The following AMZ1 variants were observed in gnomAD, a reference collection of about 807,000 sequenced individuals.
The protein encoded by AMZ1 is archaelysin family metallopeptidase 1, also known as archaemetzincin-1.
AMZ1 carries 39 observed loss-of-function variants against 29.9 expected under a neutral mutation model. The ratio of observed to expected loss-of-function variants is 1.30; its 90% CI spans 1.01 to 1.70. The LOEUF is 1.70. AMZ1 is among the 40% of genes most tolerant of loss of function. AMZ1 has a pLI of 0.00. For synonymous variants in AMZ1, 458 were observed against 304.0 expected, an observed-to-expected ratio of 1.51 and a Z score of -5.27; for missense variants, 1,041 against 680.6, an observed-to-expected ratio of 1.53 and a Z score of -5.89.
In AMZ1 at chr7:2,718,950, T is replaced by C. The variant is rs1789290667; in HGVS notation, c.*6072T>C. On this transcript the variant is annotated 3_prime_UTR_variant, in exon 7 of 7. Transcript: ENST00000683327. ...CAGGGGTACAGGAGAGCTCCGGCCA[T>C]TTATTCCAAATGTATGAGCAGGAAG... is the stretch of plus-strand genomic sequence containing the variant. Among the ~76,000 whole-genome samples the C allele has an allele frequency of 6.6e-6, 1 of 151,762 alleles. No homozygotes were observed. The highest frequency in any genetic ancestry group is 2.4e-5 in the African/African-American group (1 of 41,314).
At chr7:2,725,519 G>A (rs1208898530) in intron 4 of AMZ1, among the ~76,000 whole-genome samples, 1 of 152,246 alleles carries the variant, frequency 6.6e-6, no homozygotes, top group African/African-American at 2.4e-5. Flanking sequence ...GTTCTGGAGG[G>A]AGAGATGGAG....
At chr7:2,686,993 A>G (rs988205049), upstream of AMZ1, among the ~76,000 whole-genome samples, 3 of 150,742 alleles carry the variant, frequency 2.0e-5, no homozygotes, top group African/African-American at 4.9e-5. Context: ...GATTACAGGC[A>G]TGAGCCACCA....
chr7:2,714,512 G>A lies in AMZ1; in HGVS notation c.*1634G>A, dbSNP rs1789005296. 1 of 151,840 alleles carries A rather than the reference G, an allele frequency of 6.6e-6. No individual in the cohort carries two copies. The highest frequency in any genetic ancestry group is 1.5e-5 in the Non-Finnish European group (1 of 67,876). 9.4% of individuals were successfully genotyped at this position (151,840 alleles called of 1,614,324 possible). A position where few individuals can be genotyped will look rare whatever the true frequency, so the allele number is the denominator to read the frequency against. On this transcript the variant is annotated 3_prime_UTR_variant, in exon 7 of 7. Coordinates refer to ENST00000683327, the MANE Select transcript of AMZ1 (RefSeq NM_001384743.1). ...ACAGTGACCTGGGAGGGGAGATGAA[G>A]AGCTAGGCCTTTCAGAAAGTGACCA...
chr7:2,697,376 C>T (rs1050806970), intron 1 of AMZ1, among the ~76,000 whole-genome samples: 6 of 151,930 alleles, frequency 3.9e-5, no homozygotes, highest in African/African-American at 9.7e-5. Context: ...GGATTACAGG[C>T]GTGAGCTGCT....
rs768876486 is a variant in AMZ1 at position 2,719,290 on chromosome 7, C to T, written c.*6412C>T. Among the ~76,000 whole-genome samples the T allele has an allele frequency of 3.3e-5, 5 of 152,230 alleles. No homozygotes were observed. Among genetic ancestry groups the T allele is most frequent in the South Asian group, 4.1e-4 (2 of 4,836 alleles). On this transcript the variant is annotated 3_prime_UTR_variant, in exon 7 of 7. Coordinates refer to ENST00000683327, the MANE Select transcript of AMZ1 (RefSeq NM_001384743.1). ...GCACCACTTGGAGGCAGTTGTTTCA[C>T]GTGGGGCTCTTGATGGCATAACCTG...
chr7:2,711,254 G>T (rs1234597693), intron 6 of AMZ1, among the ~76,000 whole-genome samples: 1 of 152,228 alleles, frequency 6.6e-6, no homozygotes, highest in Non-Finnish European at 1.5e-5. Flanking sequence ...GTCACCTGCT[G>T]TCCCAGGGCT....
In AMZ1 at chr7:2,752,103, T is replaced by C. The variant is rs144993375; in HGVS notation, n.551-12609T>C. 3.8e-3 allele frequency among the ~76,000 whole-genome samples: 572 copies of C among 152,206 alleles called. 5 individuals are homozygous for C. Among genetic ancestry groups the C allele is most frequent in the Non-Finnish European group, 5.8e-3 (392 of 68,004 alleles). On this transcript the variant is annotated intron_variant and non_coding_transcript_variant, in intron 4 of 4. Coordinates refer to the AMZ1 transcript ENST00000489665. ...AAAGACACAATATCTTTAACAAAACTTTAGCAATTTAAACCTAACTACATA... is the reference window on the plus strand; with the variant it reads ...AAAGACACAATATCTTTAACAAAACCTTAGCAATTTAAACCTAACTACATA...
At chr7:2,699,461 C>G (rs773358941) in intron 1 of AMZ1, among the ~76,000 whole-genome samples, 2 of 152,216 alleles carry the variant, frequency 1.3e-5, no homozygotes, top group Non-Finnish European at 2.9e-5. Flanking sequence ...GCCCTGACTG[C>G]TTCATCTGGA....
chr7:2,685,415 G>A (rs536475437), upstream of AMZ1, among the ~76,000 whole-genome samples: 6 of 151,258 alleles, frequency 4.0e-5, no homozygotes, highest in Admixed American at 1.3e-4. Flanking sequence ...AAAATTAGCC[G>A]GGCGAGGTGA....
chr7:2,698,052 C>T (rs1243789644), intron 1 of AMZ1, among the ~76,000 whole-genome samples: 1 of 152,054 alleles, frequency 6.6e-6, no homozygotes, highest in East Asian at 1.9e-4. Context: ...TTCACATATA[C>T]ATAGGAATAT....
chr7:2,760,105 T>C (rs1178290367), upstream of AMZ1, among the ~76,000 whole-genome samples: 2 of 152,260 alleles, frequency 1.3e-5, no homozygotes, highest in East Asian at 1.9e-4. Context: ...CTGTTGGCAA[T>C]GTGTAGCTTG....
chr7:2,725,451 G>A (rs945288646), intron 4 of AMZ1, among the ~76,000 whole-genome samples: 15 of 152,344 alleles, frequency 9.8e-5, no homozygotes, highest in African/African-American at 3.6e-4. Flanking sequence ...AATCCAATGC[G>A]TCTATTTCAA....
intron 1 of AMZ1, among the ~76,000 whole-genome samples, chr7:2,694,639 G>A (rs938034377): frequency 4.0e-5 from 6 of 150,264 alleles, no homozygotes; most frequent in South Asian, 2.1e-4. Context: ...ATATATTATC[G>A]TATATATTAA....
intron 1 of AMZ1, among the ~76,000 whole-genome samples, chr7:2,696,256 C>CTTT (rs1787714299): frequency 1.9e-5 from 2 of 104,596 alleles, no homozygotes; most frequent in African/African-American, 3.7e-5. Flanking sequence ...TCTTGATAGT[C>CTTT]ATTTTTTTTT....
upstream of AMZ1, among the ~76,000 whole-genome samples, chr7:2,683,663 C>T (rs1786967482): frequency 6.6e-6 from 1 of 152,092 alleles, no homozygotes; most frequent in South Asian, 2.1e-4. Flanking sequence ...TGGTCTCGAT[C>T]TCCTGACCTC....
chr7:2,745,336 C>T lies in AMZ1; in HGVS notation n.551-19376C>T, dbSNP rs528217701. ...AGCTGATCTCTTGGCAGAAACTCTG[C>T]AAGCCAGAAGAGAGTGGGGGCCAAT... is the stretch of plus-strand genomic sequence containing the variant. On this transcript the variant is annotated intron_variant and non_coding_transcript_variant, in intron 4 of 4. Coordinates refer to the AMZ1 transcript ENST00000489665. Among the ~76,000 whole-genome samples the T allele has an allele frequency of 9.8e-5, 15 of 152,354 alleles. No individual in the cohort carries two copies. The East Asian group carries it at 2.9e-3, about 29-fold the overall frequency.
At chr7:2,688,001 C>G (rs555956993), upstream of AMZ1, among the ~76,000 whole-genome samples, 18 of 148,010 alleles carry the variant, frequency 1.2e-4, no homozygotes, top group East Asian at 2.1e-3. Context: ...TGGCTTTAGG[C>G]TCTGGGGCCC....
chr7:2,692,356 C>G (rs915702663), intron 1 of AMZ1, among the ~76,000 whole-genome samples: 1 of 151,926 alleles, frequency 6.6e-6, no homozygotes, highest in Non-Finnish European at 1.5e-5. Context: ...CTGGCTAACA[C>G]GTGAAACCCC....
intron 4 of AMZ1, among the ~76,000 whole-genome samples, chr7:2,745,428 A>C (rs951894250): frequency 4.6e-5 from 7 of 152,230 alleles, no homozygotes; most frequent in Admixed American, 6.5e-5. Context: ...TAAGCTTCAT[A>C]AGTGAAGGAG....
Sources: allele counts gnomAD v4.1 joint callset (sites outside exome capture counted in the v4.1 genomes callset), GRCh38; gene constraint gnomAD v4.1.1; transcripts MANE v1.5; gene names NCBI Gene and HGNC (gene_info 2026-07-23, HGNC 2026-07-21).